The following TEK variants were observed in gnomAD, a reference collection of about 807,000 sequenced individuals.
TEK encodes the protein angiopoietin-1 receptor.
TEK carries 43 observed loss-of-function variants against 131.8 expected under a neutral mutation model. The ratio of observed to expected loss-of-function variants is 0.33; its 90% CI spans 0.26 to 0.42. TEK has a LOEUF of 0.42. Among genes scored for constraint, TEK ranks in the 10% least tolerant of loss-of-function variants. TEK has a pLI of 1.00. For synonymous variants in TEK, 580 were observed against 491.6 expected (o/e 1.18, Z -2.38); for missense variants, 1,162 against 1,384.4 (o/e 0.84, Z 2.55).
intron 1 of TEK, among the ~76,000 whole-genome samples, chr9:27,120,441 G>A (rs1044558370): frequency 2.0e-5 from 3 of 152,372 alleles, no homozygotes; most frequent in Non-Finnish European, 4.4e-5. Context: ...AGCCTGAGGC[G>A]AAAACATGGC....
At chr9:27,124,090 A>C (rs894380254) in intron 1 of TEK, among the ~76,000 whole-genome samples, 2 of 152,202 alleles carry the variant, frequency 1.3e-5, no homozygotes, top group African/African-American at 4.8e-5. Flanking sequence ...TCTTCACTTT[A>C]AAAGAGCATG....
At chr9:27,139,819 G>A (rs10967731) in intron 1 of TEK, among the ~76,000 whole-genome samples, 46,056 of 151,916 alleles carry the variant, frequency 0.3, 7,204 homozygotes, top group Admixed American at 0.34. Flanking sequence ...TAGTACAGCA[G>A]GAGTAACAAC....
intron 21 of TEK, among the ~76,000 whole-genome samples, chr9:27,226,730 AAAAT>A (rs1460145726): frequency 6.6e-6 from 1 of 152,192 alleles, no homozygotes; most frequent in Non-Finnish European, 1.5e-5. Context: ...TAATAATAAA[AAAAT>A]AAAGATACAT....
At chr9:27,174,594 G>A (rs1457576043) in intron 6 of TEK, among the ~76,000 whole-genome samples, 4 of 152,062 alleles carry the variant, frequency 2.6e-5, no homozygotes, top group East Asian at 1.9e-4. Flanking sequence ...ATAGCCACAC[G>A]TGGCTAACTG....
At chr9:27,138,049 C>A (rs1388843245) in intron 1 of TEK, among the ~76,000 whole-genome samples, 1 of 151,814 alleles carries the variant, frequency 6.6e-6, no homozygotes, top group Non-Finnish European at 1.5e-5. Flanking sequence ...TTAAAGGTGG[C>A]GCATCCAGAG....
chr9:27,181,020 C>G lies in TEK; in HGVS notation c.1030+652C>G, dbSNP rs939614443. Among the ~76,000 whole-genome samples the G allele has an allele frequency of 5.3e-5, 8 of 152,214 alleles. No individual in the cohort carries two copies. The South Asian group carries it at 1.2e-3, about 24-fold the overall frequency. On this transcript the variant is annotated intron_variant, in intron 7 of 22. Coordinates refer to ENST00000380036, the MANE Select transcript of TEK (RefSeq NM_000459.5). Reference sequence around the variant, plus strand: ...ACATATTCATCATACCAAAACAAACCTTGTACCCATTAATAGAAACTTCCA... The same window carrying G: ...ACATATTCATCATACCAAAACAAACGTTGTACCCATTAATAGAAACTTCCA...
intron 1 of TEK, among the ~76,000 whole-genome samples, chr9:27,114,383 C>G (rs1821464419): frequency 6.6e-6 from 1 of 152,002 alleles, no homozygotes. Context: ...CCAGCCTGAC[C>G]AACATGGTGA....
At chr9:27,189,841 G>A (rs538130786) in intron 9 of TEK, among the ~76,000 whole-genome samples, 5 of 139,856 alleles carry the variant, frequency 3.6e-5, no homozygotes, top group African/African-American at 1.4e-4. Flanking sequence ...AATTTGAGTT[G>A]TTTGGCTGAA....
At position 27,183,503 on chromosome 9, in the gene TEK, A is replaced by G. The variant is rs749100650; in HGVS notation, c.1075A>G (p.Ile359Val). Residue 359 changes from isoleucine to valine, a missense_variant, in exon 8 of 23, where the codon ATA (isoleucine) becomes GTA (valine). Ile to Val is a conservative substitution (Grantham distance 29). Coordinates refer to ENST00000380036, the MANE Select transcript of TEK (RefSeq NM_000459.5). ...TPKIVDLPDH[I>V]EVNSGKFNPI... ...AAAGATAGTGGATTTGCCAGATCAT[A>G]TAGAAGTAAACAGTGGTAAATTTAA... 2.5e-6 allele frequency: 4 copies of G among 1,613,810 alleles called. No homozygotes were observed. The highest frequency in any genetic ancestry group is 1.7e-5 in the Admixed American group (1 of 59,978).
In TEK at chr9:27,173,307, T is replaced by A; in HGVS notation, c.846T>A (p.Pro282=). Residue 282 remains proline (P), a synonymous_variant, in exon 6 of 23, where the codon CCT becomes CCA. Coordinates refer to ENST00000380036, the MANE Select transcript of TEK (RefSeq NM_000459.5). ...EGCKSYVFCL[P]DPYGCSCATG... is the part of the protein sequence containing the mutation. ...GCAAGTCTTATGTGTTCTGTCTCCC[T>A]GACCCCTATGGGTGTTCCTGTGCCA... is the stretch of plus-strand genomic sequence containing the variant. The A allele has an allele frequency of 6.2e-7, 1 of 1,614,124 alleles. No individual in the cohort carries two copies. Among genetic ancestry groups the A allele is most frequent in the South Asian group, 1.1e-5 (1 of 91,086 alleles).
At chr9:27,127,446 G>A (rs1822031391) in intron 1 of TEK, among the ~76,000 whole-genome samples, 1 of 152,212 alleles carries the variant, frequency 6.6e-6, no homozygotes, top group Non-Finnish European at 1.5e-5. Context: ...GTGTGCATGA[G>A]TCTTTATAGT....
chr9:27,115,293 G>C (rs923753201), intron 1 of TEK, among the ~76,000 whole-genome samples: 1 of 152,128 alleles, frequency 6.6e-6, no homozygotes, highest in Admixed American at 6.5e-5. Flanking sequence ...GAGCCCAGGA[G>C]TTTCAGATCA....
At chr9:27,135,322 A>G (rs1194517023) in intron 1 of TEK, among the ~76,000 whole-genome samples, 1 of 151,778 alleles carries the variant, frequency 6.6e-6, no homozygotes, top group Non-Finnish European at 1.5e-5. Flanking sequence ...TCCATATAAG[A>G]TAAAAAATGC....
rs140076642 is a variant in TEK, at chr9:27,141,969, G to A, written c.53-15862G>A. ...AATCTCTATTACCATTGAGATTTCAGCTGCATCTTGGAAGAGATTGGACTT... is the reference window on the plus strand; with the variant it reads ...AATCTCTATTACCATTGAGATTTCAACTGCATCTTGGAAGAGATTGGACTT... On this transcript the variant is annotated intron_variant, in intron 1 of 22. Transcript: ENST00000380036. Among the ~76,000 whole-genome samples the A allele has an allele frequency of 3.4e-3, 520 of 152,304 alleles. 3 individuals are homozygous for A. Among genetic ancestry groups the A allele is most frequent in the African/African-American group, 0.012 (499 of 41,564 alleles).
chr9:27,169,315 G>C (rs569385785), intron 3 of TEK, among the ~76,000 whole-genome samples, 162 bp from the exon 4 acceptor site: 2 of 152,320 alleles, frequency 1.3e-5, no homozygotes, highest in African/African-American at 4.8e-5. Context: ...ACTATTGAGA[G>C]AGTACTGAAT....
intron 1 of TEK, among the ~76,000 whole-genome samples, chr9:27,146,315 A>C (rs2131095740): frequency 6.6e-6 from 1 of 152,348 alleles, no homozygotes; most frequent in South Asian, 2.1e-4. Flanking sequence ...TTTTGTGTGT[A>C]TACAACTCTA....
rs7044351 is a variant in TEK, at chr9:27,111,008, G to T, written c.52+1366G>T. ...GATTATAGTGATGTGAAGCCCAGGT[G>T]TCTATAGTTTCTCTGAGGTACTTTG... On this transcript the variant is annotated intron_variant, in intron 1 of 22. Transcript: ENST00000380036. Among the ~76,000 whole-genome samples the T allele has an allele frequency of 7.9e-3, 1,200 of 152,136 alleles. 18 individuals carry two copies. The highest frequency in any genetic ancestry group is 0.028 in the African/African-American group (1,159 of 41,498).
chr9:27,226,800 C>T lies in TEK; in HGVS notation c.3201-1406C>T, dbSNP rs556645375. On this transcript the variant is annotated intron_variant, in intron 21 of 22. Coordinates refer to ENST00000380036, the MANE Select transcript of TEK (RefSeq NM_000459.5). Reference sequence around the variant, plus strand: ...ATTACTTTCAAAAGTAAGATTTATTCCAAGGGTAAGAATAATGAACTGTAG... The same window carrying T: ...ATTACTTTCAAAAGTAAGATTTATTTCAAGGGTAAGAATAATGAACTGTAG... Among the ~76,000 whole-genome samples, 6 of 152,234 alleles carry T rather than the reference C, an allele frequency of 3.9e-5. No homozygotes were observed. In the East Asian group the frequency reaches 9.6e-4, roughly 24 times the overall value.
chr9:27,122,663 G>A, intron 1 of TEK, among the ~76,000 whole-genome samples: 1 of 152,042 alleles, frequency 6.6e-6, no homozygotes, highest in Admixed American at 6.6e-5. Context: ...GGTAGGTCTG[G>A]GAACCTACAT....
Sources: gnomAD v4.1 joint callset for allele counts (sites outside exome capture counted in the v4.1 genomes callset) on GRCh38, gnomAD v4.1.1 for gene constraint, MANE v1.5 for transcripts, NCBI Gene and HGNC (gene_info 2026-07-23, HGNC 2026-07-21) for gene names.